The following NBEA variants were observed in gnomAD, a reference collection of about 807,000 sequenced individuals.
NBEA encodes lysosomal-trafficking regulator 2.
A neutral mutation model predicts 343.4 loss-of-function variants in NBEA; 44 were observed. The ratio of observed to expected loss-of-function variants is 0.13; its 90% CI spans 0.10 to 0.16. The LOEUF (loss-of-function observed/expected upper bound fraction) is 0.16, where lower values mean the gene tolerates loss of function less well. Ranked by LOEUF, NBEA falls within the 10% of genes least tolerant of loss-of-function variation. The pLI is 1.00. For missense variants in NBEA, 2,555 were observed against 3,631.3 expected (o/e 0.70, Z 7.62); for synonymous variants, 1,175 against 1,238.7 (o/e 0.95, Z 1.08).
At chr13:34,954,711 G>T (rs1483788803) in intron 1 of NBEA, among the ~76,000 whole-genome samples, 1 of 152,044 alleles carries the variant, frequency 6.6e-6, no homozygotes. Context: ...TATAACCAAT[G>T]AATATCTTCT....
At chr13:34,985,983 C>G (rs1461230631) in intron 1 of NBEA, among the ~76,000 whole-genome samples, 1 of 150,574 alleles carries the variant, frequency 6.6e-6, no homozygotes, top group Non-Finnish European at 1.5e-5. Flanking sequence ...TTTAAAAAAA[C>G]CAGCTCCTGG....
At chr13:35,079,052 A>G (rs2152597064) in intron 10 of NBEA, among the ~76,000 whole-genome samples, 1 of 152,192 alleles carries the variant, frequency 6.6e-6, no homozygotes, top group East Asian at 1.9e-4. Context: ...AAAACCTACT[A>G]GGAGGAATTC....
chr13:35,609,115 G>C (rs2082401099), intron 48 of NBEA, among the ~76,000 whole-genome samples: 1 of 152,142 alleles, frequency 6.6e-6, no homozygotes, highest in South Asian at 2.1e-4. Flanking sequence ...AGTATACTAA[G>C]CTTAAATATG....
intron 24 of NBEA, among the ~76,000 whole-genome samples, chr13:35,166,526 T>C (rs2070047346): frequency 6.6e-6 from 1 of 152,180 alleles, no homozygotes; most frequent in African/African-American, 2.4e-5. Flanking sequence ...AACCTTTGTT[T>C]ATTTTCTCAA....
chr13:35,433,853 T>C (rs1047295648), intron 39 of NBEA, among the ~76,000 whole-genome samples: 1 of 152,070 alleles, frequency 6.6e-6, no homozygotes, highest in Non-Finnish European at 1.5e-5. Flanking sequence ...AGTGGCATGC[T>C]TTATAATATG....
chr13:35,462,841 G>A lies in NBEA; in HGVS notation c.6449-9559G>A, dbSNP rs536478953. Among the ~76,000 whole-genome samples the A allele has an allele frequency of 3.3e-5, 5 of 152,250 alleles. No individual in the cohort carries two copies. The South Asian group carries it at 1.0e-3, about 32-fold the overall frequency. On this transcript the variant is annotated intron_variant, in intron 40 of 58. Coordinates refer to ENST00000379939, the MANE Select transcript of NBEA (RefSeq NM_001385012.1). The stretch of plus-strand genomic sequence containing the variant: ...GGACTGTAATAACTGACTAGTGCAG[G>A]GAGTAAGAATGAGGGGAATCAGGCC...
At chr13:35,296,185 C>T (rs2036116292) in intron 35 of NBEA, among the ~76,000 whole-genome samples, 1 of 151,860 alleles carries the variant, frequency 6.6e-6, no homozygotes, top group African/African-American at 2.4e-5. Context: ...AGTTCGGGAC[C>T]AGCCTGGCCA....
At chr13:35,276,278 T>G (rs900964684) in intron 34 of NBEA, among the ~76,000 whole-genome samples, 4 of 152,256 alleles carry the variant, frequency 2.6e-5, no homozygotes, top group Middle Eastern at 6.8e-3. Context: ...TATAAATTTT[T>G]AAATGCGAAC....
At chr13:35,203,842 G>A (rs2073189702) in intron 31 of NBEA, among the ~76,000 whole-genome samples, 1 of 152,152 alleles carries the variant, frequency 6.6e-6, no homozygotes. Context: ...CTTGGAGTGT[G>A]TATAGATTCT....
chr13:35,278,074 C>G (rs1389190379), intron 34 of NBEA, among the ~76,000 whole-genome samples: 1 of 147,790 alleles, frequency 6.8e-6, no homozygotes, highest in African/African-American at 2.5e-5. Context: ...GCAACAAGAG[C>G]AAAACTCCAT....
chr13:35,037,209 G>A (rs1452275738), intron 1 of NBEA, among the ~76,000 whole-genome samples: 1 of 152,022 alleles, frequency 6.6e-6, no homozygotes, highest in African/African-American at 2.4e-5. Flanking sequence ...TATGCCAATT[G>A]CATTTTTGAA....
chr13:35,482,667 T>A (rs2076164942), intron 41 of NBEA, among the ~76,000 whole-genome samples: 1 of 151,730 alleles, frequency 6.6e-6, no homozygotes, highest in Non-Finnish European at 1.5e-5. Context: ...AATGTATAGC[T>A]TTGTTTTTCT....
At chr13:35,000,475 C>A (rs1194280405) in intron 1 of NBEA, among the ~76,000 whole-genome samples, 1 of 151,856 alleles carries the variant, frequency 6.6e-6, no homozygotes, top group African/African-American at 2.4e-5. Context: ...ATACCACCTA[C>A]AATTTACTAA....
At chr13:35,257,001 GT>G (rs1344939520) in intron 34 of NBEA, among the ~76,000 whole-genome samples, 2 of 152,168 alleles carry the variant, frequency 1.3e-5, no homozygotes, top group African/African-American at 4.8e-5. Flanking sequence ...CCCCCACCTA[GT>G]CCATGCAGCC....
intron 38 of NBEA, among the ~76,000 whole-genome samples, chr13:35,424,201 T>G (rs1371846578): frequency 6.6e-6 from 1 of 152,174 alleles, no homozygotes; most frequent in Admixed American, 6.5e-5. Flanking sequence ...ATAGGAGTGG[T>G]GAGAGAGGGC....
chr13:35,049,328 C>A (rs902889216), intron 5 of NBEA, among the ~76,000 whole-genome samples: 5 of 151,762 alleles, frequency 3.3e-5, no homozygotes, highest in Non-Finnish European at 5.9e-5. Context: ...TTAATACTTG[C>A]AATACTCTGT....
intron 10 of NBEA, among the ~76,000 whole-genome samples, chr13:35,086,075 A>G (rs2064745563): frequency 6.6e-6 from 1 of 152,146 alleles, no homozygotes; most frequent in Non-Finnish European, 1.5e-5. Flanking sequence ...CAATGAAATA[A>G]AAGAGGATAC....
At chr13:35,076,015 G>A (rs186219475) in intron 10 of NBEA, among the ~76,000 whole-genome samples, 8 of 151,816 alleles carry the variant, frequency 5.3e-5, no homozygotes, top group African/African-American at 1.9e-4. Context: ...AATAATATGT[G>A]ATTGTTTTTA....
chr13:35,089,611 A>G (rs866955873), intron 10 of NBEA, among the ~76,000 whole-genome samples: 4,875 of 109,898 alleles, frequency 0.044, 54 homozygotes, highest in African/African-American at 0.067. Flanking sequence ...ACATGCACAC[A>G]TATGTTTATT....
Sources: allele counts gnomAD v4.1 joint callset (sites outside exome capture counted in the v4.1 genomes callset), GRCh38; gene constraint gnomAD v4.1.1; transcripts MANE v1.5; gene names NCBI Gene and HGNC (gene_info 2026-07-23, HGNC 2026-07-21).